Variants in CORO2B observed in about 807,000 individuals in gnomAD.
CORO2B encodes the protein coronin 2B, also known as coronin-2B.
Under a neutral mutation model 58.8 loss-of-function variants are expected in CORO2B, and 26 were observed. The ratio of observed to expected loss-of-function variants is 0.44; its 90% CI spans 0.32 to 0.61. The LOEUF is 0.61. Ranked by LOEUF, CORO2B falls within the 20% of genes least tolerant of loss-of-function variation. The pLI is 0.04. For missense variants in CORO2B, 460 were observed against 645.1 expected, an observed-to-expected ratio of 0.71 and a Z score of 3.11; for synonymous variants, 242 against 253.8, an observed-to-expected ratio of 0.95 and a Z score of 0.44.
At position 68,711,598 on chromosome 15, in the gene CORO2B, G is replaced by A. The variant is rs144633179; in HGVS notation, c.540G>A (p.Thr180=). The A allele has an allele frequency of 2.6e-4, 423 of 1,613,878 alleles. No individual in the cohort carries two copies. The highest frequency in any genetic ancestry group is 2.3e-4 in the Non-Finnish European group (270 of 1,179,968). ...CGGTGAAGATGATTGACTGCCACAC[G>A]GATGTGATCCTCTGCATGTCCTTCA... is the stretch of plus-strand genomic sequence containing the variant. ...GEPVKMIDCH[T]DVILCMSFNT... Residue 180 remains threonine (T), a synonymous_variant, in exon 5 of 12, where the codon ACG becomes ACA. Coordinates refer to ENST00000261861, the MANE Select transcript of CORO2B (RefSeq NM_006091.5).
chr15:68,569,040 A>T, the CORO2B span, among the ~76,000 whole-genome samples: 1 of 152,186 alleles, frequency 6.6e-6, no homozygotes, highest in Admixed American at 6.5e-5. Flanking sequence ...CTAAGTTCCC[A>T]TATGCCCCCT....
At chr15:68,578,992 T>C (rs1899342622), upstream of CORO2B, 2 of 983,562 alleles carry the variant, frequency 2.0e-6, no homozygotes, top group Admixed American at 6.2e-5. The surrounding 1 kb of genome is among the most constrained non-coding windows in gnomAD (Gnocchi z 4.2). Context: ...TCTCTCCCTT[T>C]CTTCCTGCCT....
At chr15:68,631,334 G>A (rs73442234) in intron 1 of CORO2B, among the ~76,000 whole-genome samples, 253 of 152,316 alleles carry the variant, frequency 1.7e-3, no homozygotes, top group African/African-American at 5.9e-3. Flanking sequence ...TTTTATAGAT[G>A]AGAACTCGAG....
chr15:68,581,575 T>C lies in CORO2B; in HGVS notation c.15+2298T>C, dbSNP rs1004293534. 2.6e-5 allele frequency among the ~76,000 whole-genome samples: 4 copies of C among 152,218 alleles called. 1 individual carries two copies. Among genetic ancestry groups the C allele is most frequent in the Admixed American group, 2.0e-4 (3 of 15,288 alleles). On this transcript the variant is annotated intron_variant, in intron 1 of 11. Coordinates refer to ENST00000261861, the MANE Select transcript of CORO2B (RefSeq NM_006091.5). Reference sequence around the variant, plus strand: ...TTCCATCCTTGGGCCTCTGTTTTTCTATTTGTCAAATGTAAGACTTGGTTC... The same window carrying C: ...TTCCATCCTTGGGCCTCTGTTTTTCCATTTGTCAAATGTAAGACTTGGTTC...
intron 2 of CORO2B, among the ~76,000 whole-genome samples, chr15:68,682,655 A>G (rs1167181677): frequency 6.6e-6 from 1 of 152,134 alleles, no homozygotes; most frequent in African/African-American, 2.4e-5. Context: ...GGGCAAGGAT[A>G]CCATGTTTAT....
At chr15:68,576,623 G>A (rs1188163160), upstream of CORO2B, among the ~76,000 whole-genome samples, 4 of 152,092 alleles carry the variant, frequency 2.6e-5, no homozygotes, top group Non-Finnish European at 4.4e-5. Flanking sequence ...AAAGGTTTCC[G>A]ATGGGGTCCT....
Position 68,624,271 on chromosome 15 carries a change from C to T in CORO2B, c.16-20889C>T, listed in dbSNP as rs149512331. Among the ~76,000 whole-genome samples, 403 of 152,206 alleles carry T rather than the reference C, an allele frequency of 2.6e-3. 4 individuals carry two copies. Among genetic ancestry groups the T allele is most frequent in the African/African-American group, 9.2e-3 (384 of 41,538 alleles). On this transcript the variant is annotated intron_variant, in intron 1 of 11. Transcript: ENST00000261861. ...GTGTGAGACTGCAGTCCCAGCTGCT[C>T]GGGAGGCTGAGGCAGGAGGATCCCT...
intron 2 of CORO2B, among the ~76,000 whole-genome samples, chr15:68,692,194 A>G (rs1892394654): frequency 1.3e-5 from 2 of 152,186 alleles, no homozygotes; most frequent in Non-Finnish European, 2.9e-5. Context: ...CTGGGCCTTA[A>G]TTTCCTCATA....
intron 2 of CORO2B, among the ~76,000 whole-genome samples, chr15:68,647,054 G>A (rs940188467): frequency 1.8e-4 from 28 of 152,082 alleles, no homozygotes; most frequent in Non-Finnish European, 3.8e-4. Flanking sequence ...GGCTCACAAG[G>A]GTCAACAAGC....
chr15:68,585,108 C>A (rs753400617), intron 1 of CORO2B, among the ~76,000 whole-genome samples: 2 of 152,146 alleles, frequency 1.3e-5, no homozygotes, highest in Non-Finnish European at 2.9e-5. Context: ...TGGGAGGCTC[C>A]CAGGTTTGCT....
In CORO2B at chr15:68,645,469, A is replaced by G. The variant is rs941641023; in HGVS notation, c.216+109A>G. The G allele has an allele frequency of 4.8e-5, 49 of 1,023,160 alleles. No homozygotes were observed. Among genetic ancestry groups the G allele is most frequent in the Non-Finnish European group, 5.5e-5 (39 of 709,876 alleles). The allele number at this position is 1,023,160 out of a possible 1,614,324, so 63.4% of individuals were successfully genotyped here. On this transcript the variant is annotated intron_variant, in intron 2 of 11. Transcript: ENST00000261861. This position sits in a 1 kb window ranked among gnomAD's most constrained non-coding sequence, Gnocchi z 4.5. ...ACTTCTCTCTGAGTTCCCACCTTTT[A>G]CTTCCTCATCAAGCATCTAGTGGCT...
At chr15:68,683,564 C>G (rs1242058993) in intron 2 of CORO2B, among the ~76,000 whole-genome samples, 1 of 151,166 alleles carries the variant, frequency 6.6e-6, no homozygotes, top group African/African-American at 2.5e-5. Context: ...TTTGGTGCAC[C>G]ACCCCTCCCC....
intron 3 of CORO2B, among the ~76,000 whole-genome samples, chr15:68,698,201 A>G (rs915606838): frequency 3.9e-5 from 6 of 152,236 alleles, no homozygotes; most frequent in African/African-American, 9.6e-5. Flanking sequence ...TGCAAAGCCC[A>G]TGCTCTGCCA....
chr15:68,610,249 A>G (rs1900215960), intron 1 of CORO2B, among the ~76,000 whole-genome samples: 1 of 152,144 alleles, frequency 6.6e-6, no homozygotes, highest in African/African-American at 2.4e-5. Flanking sequence ...AGGACTTCAT[A>G]GGACGAGACA....
rs1013586465 is a variant in CORO2B, at chr15:68,711,825, CCT to C, written c.648+122_648+123del. The C allele has an allele frequency of 1.0e-5, 12 of 1,181,910 alleles. No homozygotes were observed. The African/African-American group carries it at 1.8e-4, about 18-fold the overall frequency. The allele number at this position is 1,181,910 out of a possible 1,614,324, so 73.2% of individuals were successfully genotyped here. A position where few individuals can be genotyped will look rare whatever the true frequency, so the allele number is the denominator to read the frequency against. The stretch of plus-strand genomic sequence containing the variant: ...CCCTTCTCCAGTGCATCTCACTGCA[CCT>C]CTGTTGAACAACCTTTCTCTCTCCT... On this transcript the variant is annotated intron_variant, in intron 5 of 11. Transcript: ENST00000261861.
intron 1 of CORO2B, among the ~76,000 whole-genome samples, chr15:68,610,383 T>G (rs997533910): frequency 6.6e-6 from 1 of 152,136 alleles, no homozygotes; most frequent in African/African-American, 2.4e-5. Context: ...GCATGCATCC[T>G]TTTCCTGTAT....
At chr15:68,671,887 A>G (rs919819002) in intron 2 of CORO2B, among the ~76,000 whole-genome samples, 10 of 152,212 alleles carry the variant, frequency 6.6e-5, no homozygotes, top group African/African-American at 2.4e-4. Flanking sequence ...CAAGGCATGT[A>G]TACTAGGAGG....
chr15:68,716,699 G>A (rs1401042713), intron 8 of CORO2B, among the ~76,000 whole-genome samples: 1 of 152,198 alleles, frequency 6.6e-6, no homozygotes, highest in East Asian at 1.9e-4. Flanking sequence ...AGCTCTGAAA[G>A]ATGGGAAGGA....
chr15:68,642,484 C>T (rs995966594), intron 1 of CORO2B, among the ~76,000 whole-genome samples: 2 of 152,168 alleles, frequency 1.3e-5, no homozygotes, highest in Non-Finnish European at 2.9e-5. Flanking sequence ...CCTTTGGCTC[C>T]CTGAGCCTCA....
Sources: gnomAD v4.1 joint callset for allele counts (sites outside exome capture counted in the v4.1 genomes callset) on GRCh38, gnomAD v4.1.1 for gene constraint, Gnocchi (gnomAD v3.1) non-coding constraint, MANE v1.5 for transcripts, NCBI Gene and HGNC (gene_info 2026-07-23, HGNC 2026-07-21) for gene names.